The following MIS18A variants were observed in gnomAD, a reference collection of about 807,000 sequenced individuals.
The protein encoded by MIS18A is MIS18 kinetochore protein A, also known as protein Mis18-alpha.
Under a neutral mutation model 25.0 loss-of-function variants are expected in MIS18A, and 14 were observed. The ratio of observed to expected loss-of-function variants is 0.56; its 90% CI spans 0.37 to 0.88. The LOEUF is 0.88. MIS18A is among the 40% of genes least tolerant of loss of function. MIS18A has a pLI of 0.00. For synonymous variants in MIS18A, 134 were observed against 118.6 expected (o/e 1.13, Z -0.84); for missense variants, 292 against 290.8 (o/e 1.00, Z -0.03).
chr21:32,204,544 GAAAAAA>G, the MIS18A span, among the ~76,000 whole-genome samples: 1 of 151,558 alleles, frequency 6.6e-6, no homozygotes, highest in South Asian at 2.1e-4. Flanking sequence ...TAACTCTGGG[GAAAAAA>G]TCCAAAGGTA....
the MIS18A span, among the ~76,000 whole-genome samples, chr21:32,256,910 G>GA: frequency 1.3e-4 from 20 of 150,552 alleles, no homozygotes; most frequent in African/African-American, 2.0e-4. Context: ...TCTTACAGAG[G>GA]AAAAAAAAAC....
At chr21:32,176,036 C>T in the MIS18A span, among the ~76,000 whole-genome samples, 5 of 152,158 alleles carry the variant, frequency 3.3e-5, no homozygotes, top group Non-Finnish European at 5.9e-5. Context: ...CAGGTCTCCA[C>T]ACAATAACAT....
At chr21:32,157,125 G>A in the MIS18A span, among the ~76,000 whole-genome samples, 2 of 140,940 alleles carry the variant, frequency 1.4e-5, no homozygotes, top group East Asian at 4.3e-4. Context: ...GCGTGATCTT[G>A]GCTCACTGCA....
the MIS18A span, among the ~76,000 whole-genome samples, chr21:32,166,635 A>G: frequency 6.6e-6 from 1 of 152,238 alleles, no homozygotes; most frequent in Non-Finnish European, 1.5e-5. Context: ...AATCCAAAGC[A>G]TAAAATAATT....
chr21:32,185,363 C>A, the MIS18A span, among the ~76,000 whole-genome samples: 8 of 152,172 alleles, frequency 5.3e-5, no homozygotes, highest in Admixed American at 4.6e-4. Flanking sequence ...GGGAGCTGAG[C>A]AGCCCATTGG....
chr21:32,236,273 C>T, the MIS18A span, among the ~76,000 whole-genome samples: 62 of 151,866 alleles, frequency 4.1e-4, no homozygotes, highest in Admixed American at 4.0e-3. Flanking sequence ...GTCTCAGCTA[C>T]TCGGGAGGCT....
rs371044637 is a variant in MIS18A at position 32,270,401 on chromosome 21, A to C, written c.524+6T>G. The C allele has an allele frequency of 3.1e-6, 5 of 1,613,878 alleles. No individual in the cohort carries two copies. Among genetic ancestry groups the C allele is most frequent in the Admixed American group, 1.7e-5 (1 of 59,968 alleles). ...TGTGAGGTAAACATTTATATATCAA[A>C]CTTACCTTTCAATGGCTTCAACACT... On this transcript the variant is annotated splice_donor_region_variant and intron_variant, in intron 3 of 4. Transcript: ENST00000290130.
the MIS18A span, among the ~76,000 whole-genome samples, chr21:32,168,688 A>T: frequency 3.1e-4 from 47 of 152,220 alleles, no homozygotes; most frequent in Non-Finnish European, 4.4e-5. Context: ...AGTCTTTAAA[A>T]TGACAGTTGT....
the MIS18A span, among the ~76,000 whole-genome samples, chr21:32,203,701 C>G: frequency 7.0e-6 from 1 of 142,602 alleles, no homozygotes; most frequent in South Asian, 2.3e-4. Flanking sequence ...CTTACTGCCT[C>G]TAATTTCTGG....
intron 1 of MIS18A, among the ~76,000 whole-genome samples, chr21:32,276,747 T>C (rs1366168564): frequency 1.3e-5 from 2 of 152,030 alleles, no homozygotes; most frequent in Admixed American, 6.6e-5. Context: ...CTGAGCAACA[T>C]AGCAAGACTC....
chr21:32,270,536 TAAAGA>T lies in MIS18A; in HGVS notation c.402-12_402-8del, dbSNP rs755649676. 3.3e-6 allele frequency: 5 copies of T among 1,533,672 alleles called. No homozygotes were observed. The highest frequency in any genetic ancestry group is 3.5e-6 in the Non-Finnish European group (4 of 1,142,720). On this transcript the variant is annotated splice_polypyrimidine_tract_variant and splice_region_variant and intron_variant, in intron 2 of 4. Coordinates refer to ENST00000290130, the MANE Select transcript of MIS18A (RefSeq NM_018944.3). ...GCACAAAGTCTCAAGGACGCTGCAA[TAAAGA>T]AATGTCTTGCTTTAGGAAACGAAGC...
At chr21:32,265,622 A>G (rs542713795), downstream of MIS18A, among the ~76,000 whole-genome samples, 339 of 152,286 alleles carry the variant, frequency 2.2e-3, no homozygotes, top group African/African-American at 7.6e-3. Context: ...CACCCACTCC[A>G]TGGGCTCCTG....
the MIS18A span, among the ~76,000 whole-genome samples, chr21:32,242,592 T>G: frequency 6.6e-6 from 1 of 152,356 alleles, no homozygotes; most frequent in East Asian, 1.9e-4. Flanking sequence ...AAAAGCCTCC[T>G]TCTAAATGTG....
At chr21:32,182,979 A>G in the MIS18A span, among the ~76,000 whole-genome samples, 87 of 152,370 alleles carry the variant, frequency 5.7e-4, no homozygotes, top group African/African-American at 2.0e-3. Flanking sequence ...ATGGCGAAAT[A>G]GCACTCCAGC....
the MIS18A span, among the ~76,000 whole-genome samples, chr21:32,239,096 C>T: frequency 6.6e-6 from 1 of 152,146 alleles, no homozygotes; most frequent in South Asian, 2.1e-4. Flanking sequence ...GCATTTACAC[C>T]TGTGCAATGG....
chr21:32,164,690 T>A, the MIS18A span, among the ~76,000 whole-genome samples: 1 of 151,678 alleles, frequency 6.6e-6, no homozygotes, highest in Non-Finnish European at 1.5e-5. Context: ...AGCAGTATGT[T>A]ATACATCAAT....
At chr21:32,183,959 T>C in the MIS18A span, among the ~76,000 whole-genome samples, 2 of 152,212 alleles carry the variant, frequency 1.3e-5, no homozygotes, top group African/African-American at 4.8e-5. Context: ...AGGGGCTGTA[T>C]TTAAGGGAAG....
At chr21:32,176,436 G>A in the MIS18A span, among the ~76,000 whole-genome samples, 1 of 152,088 alleles carries the variant, frequency 6.6e-6, no homozygotes, top group Non-Finnish European at 1.5e-5. Flanking sequence ...ATTATGTGGT[G>A]CACAACTTTA....
In MIS18A at chr21:32,278,930, A is replaced by T; in HGVS notation, c.85T>A (p.Ser29Thr). 6.2e-7 allele frequency: 1 copy of T among 1,613,568 alleles called. No individual in the cohort carries two copies. Among genetic ancestry groups the T allele is most frequent in the Non-Finnish European group, 8.5e-7 (1 of 1,180,004 alleles). ...CGDKGKCSDS[S>T]LLGKRLSEDS... Reference sequence around the variant, plus strand: ...TCGGAGAGTCTCTTGCCCAACAGCGAGGAGTCGCTGCATTTGCCCTTGTCG... The same window carrying T: ...TCGGAGAGTCTCTTGCCCAACAGCGTGGAGTCGCTGCATTTGCCCTTGTCG... Residue 29 changes from serine (S) to threonine (T), a missense_variant, in exon 1 of 5, where the codon TCG becomes ACG. By Grantham distance (58) the Ser-to-Thr change is moderately conservative (BLOSUM62 1). Transcript: ENST00000290130.
Sources: gnomAD v4.1 joint callset for allele counts (sites outside exome capture counted in the v4.1 genomes callset) on GRCh38, gnomAD v4.1.1 for gene constraint, MANE v1.5 for transcripts, NCBI Gene and HGNC (gene_info 2026-07-23, HGNC 2026-07-21) for gene names.